SPRYD3: variants seen among roughly 807,000 people sequenced by gnomAD.
SPRYD3 encodes SPRY domain-containing protein 3.
In SPRYD3, 17 loss-of-function variants were observed where a neutral mutation model predicts 50.1. The ratio of observed to expected loss-of-function variants is 0.34; its 90% CI spans 0.23 to 0.51. The LOEUF is 0.51. SPRYD3 is among the 20% of genes least tolerant of loss of function. The pLI is 0.97. For missense variants in SPRYD3, 401 were observed against 591.2 expected (o/e 0.68, Z 3.34); for synonymous variants, 198 against 215.5 (o/e 0.92, Z 0.71).
chr12:53,068,070 T>A, intron 7 of SPRYD3, 85 bp downstream of exon 7: 1 of 1,522,338 alleles, frequency 6.6e-7, no homozygotes. Context: ...CTCCCCTGGT[T>A]TCTCCTAAGA....
chr12:53,067,058 C>A (rs1944514739), intron 8 of SPRYD3, among the ~76,000 whole-genome samples: 1 of 136,846 alleles, frequency 7.3e-6, no homozygotes, highest in Non-Finnish European at 1.5e-5. Flanking sequence ...TGCAGTGAGC[C>A]AAGATCATGC....
intron 6 of SPRYD3, among the ~76,000 whole-genome samples, chr12:53,070,198 G>A (rs1475705893): frequency 6.6e-6 from 1 of 152,164 alleles, no homozygotes; most frequent in African/African-American, 2.4e-5. Flanking sequence ...TATAGGTGAG[G>A]CTTGTACAGC....
intron 6 of SPRYD3, among the ~76,000 whole-genome samples, chr12:53,069,644 G>T (rs1296163519): frequency 6.6e-6 from 1 of 152,220 alleles, no homozygotes; most frequent in Non-Finnish European, 1.5e-5. Context: ...GGATGAGGGG[G>T]AAAGCAGCAT....
At chr12:53,073,256 G>GCCCCCGGGGGGGGGGGGGGGGCC in intron 6 of SPRYD3, 30 bp downstream of exon 6, 4 of 424,134 alleles carry the variant, frequency 9.4e-6, no homozygotes, top group Non-Finnish European at 1.3e-5. Context: ...CTCCGACCCA[G>GCCCCCGGGGGGGGGGGGGGGGCC]CCCCTCCCAC....
chr12:53,077,064 T>C, intron 2 of SPRYD3, 51 bp downstream of exon 2: 1 of 1,572,700 alleles, frequency 6.4e-7, no homozygotes. Context: ...CCCTTTCCTC[T>C]CTAAGATCTG....
chr12:53,078,345 C>A (rs536108938), intron 1 of SPRYD3, among the ~76,000 whole-genome samples: 1 of 151,856 alleles, frequency 6.6e-6, no homozygotes, highest in Non-Finnish European at 1.5e-5. Flanking sequence ...ACAAATTAGC[C>A]AGGCGTGGTG....
At chr12:53,073,003 G>A (rs1322061912) in intron 6 of SPRYD3, among the ~76,000 whole-genome samples, 2 of 152,146 alleles carry the variant, frequency 1.3e-5, no homozygotes, top group Non-Finnish European at 2.9e-5. Flanking sequence ...ACCAGAAGCT[G>A]AAGGAACCAA....
At position 53,066,564 on chromosome 12, in the gene SPRYD3, C is replaced by T. The variant is rs891005003; in HGVS notation, c.1021+9G>A. On this transcript the variant is annotated intron_variant, in intron 9 of 10. Coordinates refer to ENST00000301463, the MANE Select transcript of SPRYD3 (RefSeq NM_032840.3). ...AAGCAGCCTGGCTGGCCACCCCTAC[C>T]CCACTCACCCTCACTGTCCAAAATG... 4 of 1,613,846 alleles carry T rather than the reference C, an allele frequency of 2.5e-6. No individual in the cohort carries two copies. Among genetic ancestry groups the T allele is most frequent in the Non-Finnish European group, 3.4e-6 (4 of 1,179,946 alleles).
chr12:53,069,192 A>C (rs1186962091), intron 6 of SPRYD3, among the ~76,000 whole-genome samples: 1 of 151,956 alleles, frequency 6.6e-6, no homozygotes, highest in Admixed American at 6.6e-5. Flanking sequence ...ACTCAACCCC[A>C]TCCCCTCTTT....
At position 53,074,639 on chromosome 12, in the gene SPRYD3, TC is replaced by T; in HGVS notation, c.507+9del. Reference sequence around the variant, plus strand: ...CAGCCACGTAAATCCCACCACTATTTCCCACTCACCCGCTTCCCATTTTTGG... The same window carrying T: ...CAGCCACGTAAATCCCACCACTATTTCCACTCACCCGCTTCCCATTTTTGG... On this transcript the variant is annotated intron_variant, in intron 5 of 10. Coordinates refer to ENST00000301463, the MANE Select transcript of SPRYD3 (RefSeq NM_032840.3). This position sits in a 1 kb window ranked among gnomAD's most constrained non-coding sequence, Gnocchi z 4.6. The T allele has an allele frequency of 6.2e-7, 1 of 1,614,206 alleles. No homozygotes were observed. Among genetic ancestry groups the T allele is most frequent in the Non-Finnish European group, 8.5e-7 (1 of 1,180,026 alleles).
At position 53,073,437 on chromosome 12, in the gene SPRYD3, C is replaced by A; in HGVS notation, c.542G>T (p.Gly181Val). Residue 181 changes from glycine (G) to valine (V), a missense_variant, in exon 6 of 11, where the codon GGA (glycine) becomes GTA (valine). Physicochemically the swap from Gly to Val is moderately radical, Grantham distance 109. Coordinates refer to ENST00000301463, the MANE Select transcript of SPRYD3 (RefSeq NM_032840.3). ...GTGCATGCCCACTGCTGGGAACAGT[C>A]CATCTGGGGACATGGGCATGATGGT... ...GSTIMPMSPD[G>V]LFPAVGMHSL... 6.4e-7 allele frequency: 1 copy of A among 1,566,532 alleles called. No individual in the cohort carries two copies. Among genetic ancestry groups the A allele is most frequent in the African/African-American group, 1.3e-5 (1 of 74,350 alleles).
rs1944519656 is a variant in SPRYD3 at position 53,067,663 on chromosome 12, C to T, written c.886G>A (p.Val296Met). The change falls in exon 8 of 11, where the codon GTG becomes ATG. Residue 296 changes from valine (V) to methionine (M), a missense_variant. Val to Met is a conservative substitution (Grantham distance 21). Transcript: ENST00000301463. ...CGCTATTCACCTGCATGATAAGCCA[C>T]AGACCCTCTGCTCCAGCCAGGGTGC... ...NRHPGWSRGS[V>M]AYHADDGKIF... 6.2e-7 allele frequency: 1 copy of T among 1,614,134 alleles called. No homozygotes were observed. Among genetic ancestry groups the T allele is most frequent in the Non-Finnish European group, 8.5e-7 (1 of 1,179,970 alleles).
rs948561023 is a variant in SPRYD3 at position 53,065,239 on chromosome 12, G to T, written c.*593C>A. 6.5e-6 allele frequency: 1 copy of T among 152,804 alleles called. No homozygotes were observed. The highest frequency in any genetic ancestry group is 1.5e-5 in the Non-Finnish European group (1 of 68,300). The allele number at this position is 152,804 out of a possible 1,614,324, so 9.5% of individuals were successfully genotyped here. A position where few individuals can be genotyped will look rare whatever the true frequency, so the allele number is the denominator to read the frequency against. Reference sequence around the variant, plus strand: ...CCTCTGTGGTGCCTGAGCAGGTTGGGGTGGGGAGCCAGCTCTCAAGGGAAA... The same window carrying T: ...CCTCTGTGGTGCCTGAGCAGGTTGGTGTGGGGAGCCAGCTCTCAAGGGAAA... On this transcript the variant is annotated 3_prime_UTR_variant, in exon 11 of 11. Transcript: ENST00000301463.
At chr12:53,071,168 C>T (rs1944546995) in intron 6 of SPRYD3, among the ~76,000 whole-genome samples, 1 of 152,200 alleles carries the variant, frequency 6.6e-6, no homozygotes, top group Non-Finnish European at 1.5e-5. Context: ...AAACAGGAAC[C>T]AAGTACACAC....
At chr12:53,073,256 G>GCCCCCGGGGGGGGGGGGGGGGCCC in intron 6 of SPRYD3, 30 bp downstream of exon 6, 3 of 424,132 alleles carry the variant, frequency 7.1e-6, no homozygotes, top group Non-Finnish European at 8.8e-6. Context: ...CTCCGACCCA[G>GCCCCCGGGGGGGGGGGGGGGGCCC]CCCCTCCCAC....
chr12:53,068,342 C>T lies in SPRYD3; in HGVS notation c.694-38G>A, dbSNP rs367911323. Reference sequence around the variant, plus strand: ...AGCCAGATGGGGGTCAGGGGACAGGCTGACACCCACCCTGGAAACCTGGGC... The same window carrying T: ...AGCCAGATGGGGGTCAGGGGACAGGTTGACACCCACCCTGGAAACCTGGGC... On this transcript the variant is annotated intron_variant, in intron 6 of 10. Coordinates refer to ENST00000301463, the MANE Select transcript of SPRYD3 (RefSeq NM_032840.3). 5.0e-6 allele frequency: 8 copies of T among 1,607,230 alleles called. No homozygotes were observed. The East Asian group carries it at 1.6e-4, about 31-fold the overall frequency.
intron 8 of SPRYD3, among the ~76,000 whole-genome samples, 179 bp downstream of exon 8, chr12:53,067,469 C>G (rs1209996341): frequency 6.6e-6 from 1 of 151,958 alleles, no homozygotes; most frequent in Non-Finnish European, 1.5e-5. Context: ...CCCTGGTTTC[C>G]AGAGCTGGGA....
At chr12:53,073,570 C>T (rs1447108639) in intron 5 of SPRYD3, 99 bp from the exon 6 acceptor site, 11 of 998,956 alleles carry the variant, frequency 1.1e-5, no homozygotes, top group South Asian at 1.7e-5. Context: ...ACCAGCCGGG[C>T]GTGGTGGCTC....
chr12:53,078,996 A>ATC (rs1239164899), intron 1 of SPRYD3, among the ~76,000 whole-genome samples: 1 of 152,226 alleles, frequency 6.6e-6, no homozygotes, highest in African/African-American at 2.4e-5. Context: ...AACCCCAGGT[A>ATC]GATGCTGGTT....
Sources: gnomAD v4.1 joint callset for allele counts (sites outside exome capture counted in the v4.1 genomes callset) on GRCh38, gnomAD v4.1.1 for gene constraint, Gnocchi (gnomAD v3.1) non-coding constraint, MANE v1.5 for transcripts, NCBI Gene and HGNC (gene_info 2026-07-23, HGNC 2026-07-21) for gene names.